Variants in MARCHF1 observed in about 807,000 individuals in gnomAD.
MARCHF1 encodes membrane associated ring-CH-type finger 1, also known as E3 ubiquitin-protein ligase MARCHF1.
MARCHF1 carries 40 observed loss-of-function variants against 54.2 expected under a neutral mutation model. The ratio of observed to expected loss-of-function variants is 0.74; its 90% confidence interval spans 0.57 to 0.96. The LOEUF (loss-of-function observed/expected upper bound fraction) is 0.96. Ranked by LOEUF, MARCHF1 falls within the 40% of genes least tolerant of loss-of-function variation. The pLI is 0.00. For missense variants in MARCHF1, 586 were observed against 656.5 expected (o/e 0.89, Z 1.17); for synonymous variants, 236 against 236.3 (o/e 1.00, Z 0.01).
rs990939514 is a variant in MARCHF1, at chr4:164,231,459, A to G, written c.-322-119797T>C. 8.5e-5 allele frequency among the ~76,000 whole-genome samples: 13 copies of G among 152,302 alleles called. No homozygotes were observed. In the South Asian group the frequency reaches 1.7e-3, roughly 19 times the overall value. ...GACATATTTCTGCAGTCTGGATCAA[A>G]ACAGAACAAATCTAGTGTGTAAATT... On this transcript the variant is annotated intron_variant, in intron 1 of 9. Coordinates refer to ENST00000514618, the MANE Select transcript of MARCHF1 (RefSeq NM_001394959.1).
chr4:163,654,445 ATATAT>A (rs1743070178), intron 5 of MARCHF1, among the ~76,000 whole-genome samples: 1 of 151,668 alleles, frequency 6.6e-6, no homozygotes, highest in Admixed American at 6.6e-5. Context: ...AAATTATAAA[ATATAT>A]TAGGTATACA....
At chr4:164,175,706 C>G (rs1022482575) in intron 1 of MARCHF1, among the ~76,000 whole-genome samples, 2 of 152,200 alleles carry the variant, frequency 1.3e-5, no homozygotes, top group Admixed American at 6.5e-5. Context: ...AATTCTGCTT[C>G]CAGTCTGTCT....
chr4:164,136,272 G>GA (rs5863663), intron 1 of MARCHF1, among the ~76,000 whole-genome samples: 97,659 of 121,360 alleles, frequency 0.8, 39,206 homozygotes, highest in Non-Finnish European at 0.86. Context: ...AGTTGAAGTG[G>GA]AAAAAAAAAA....
intron 2 of MARCHF1, among the ~76,000 whole-genome samples, chr4:164,047,964 AG>A (rs1754276733): frequency 6.6e-6 from 1 of 152,176 alleles, no homozygotes; most frequent in Non-Finnish European, 1.5e-5. Flanking sequence ...TTTTTCCCAG[AG>A]CAGCATTAGC....
At position 164,081,159 on chromosome 4, in the gene MARCHF1, G is replaced by GATAGAAAAAAAA. The variant is rs1755089112; in HGVS notation, c.-248+30428_-248+30429insTTTTTTTTCTAT. Among the ~76,000 whole-genome samples, 3 of 112,970 alleles carry GATAGAAAAAAAA rather than the reference G, an allele frequency of 2.7e-5. No homozygotes were observed. The Admixed American group carries it at 4.0e-4, about 15-fold the overall frequency. The allele number at this position is 112,970 out of a possible 152,430, so 74.1% of individuals were successfully genotyped here. ...GGAGGCGGAGCTTGCAGTGAGCCGAGATCGCGCCACTGCACTCCAGCCTGG... is the reference window on the plus strand; with the variant it reads ...GGAGGCGGAGCTTGCAGTGAGCCGAGATAGAAAAAAAAATCGCGCCACTGCACTCCAGCCTGG... On this transcript the variant is annotated intron_variant, in intron 2 of 9. Transcript: ENST00000514618.
chr4:163,850,172 T>C (rs1222788675), intron 4 of MARCHF1, among the ~76,000 whole-genome samples: 1 of 152,208 alleles, frequency 6.6e-6, no homozygotes, highest in Non-Finnish European at 1.5e-5. Flanking sequence ...CTTGCTGAAC[T>C]ATCTTTATTG....
chr4:163,776,049 C>G (rs1384109212), intron 4 of MARCHF1, among the ~76,000 whole-genome samples: 2 of 152,012 alleles, frequency 1.3e-5, no homozygotes, highest in African/African-American at 4.8e-5. Flanking sequence ...ATTTGAAATC[C>G]TATGAGGAGA....
intron 3 of MARCHF1, among the ~76,000 whole-genome samples, chr4:163,857,392 G>GT (rs1248035779): frequency 6.6e-6 from 1 of 152,108 alleles, no homozygotes; most frequent in African/African-American, 2.4e-5. Context: ...ATTTTTAGGT[G>GT]TAAGAATGTG....
At chr4:163,677,541 T>C (rs1743959361) in intron 5 of MARCHF1, among the ~76,000 whole-genome samples, 1 of 152,184 alleles carries the variant, frequency 6.6e-6, no homozygotes, top group Non-Finnish European at 1.5e-5. Flanking sequence ...TTAAAATATC[T>C]CTTCCCTAGA....
intron 1 of MARCHF1, among the ~76,000 whole-genome samples, chr4:164,196,493 T>G (rs1731262655): frequency 6.6e-6 from 1 of 152,166 alleles, no homozygotes; most frequent in Non-Finnish European, 1.5e-5. Flanking sequence ...AAAATAGAAT[T>G]TGCTTTAACA....
At chr4:164,185,063 G>A (rs1050396975) in intron 1 of MARCHF1, among the ~76,000 whole-genome samples, 1 of 152,074 alleles carries the variant, frequency 6.6e-6, no homozygotes, top group Non-Finnish European at 1.5e-5. Flanking sequence ...TTAAAAATGT[G>A]CATTAACAAT....
chr4:164,262,107 G>GAAAAAA (rs1184867700), intron 1 of MARCHF1, among the ~76,000 whole-genome samples: 1 of 72,268 alleles, frequency 1.4e-5, no homozygotes. Context: ...CCTATCTTAA[G>GAAAAAA]AAAAAAAAAA....
chr4:163,720,017 A>G (rs1168355722), intron 4 of MARCHF1, among the ~76,000 whole-genome samples: 1 of 152,102 alleles, frequency 6.6e-6, no homozygotes, highest in Non-Finnish European at 1.5e-5. Flanking sequence ...GCTGTGCAGA[A>G]GCTCTTTAGT....
chr4:164,160,919 T>C (rs2110941001), intron 1 of MARCHF1, among the ~76,000 whole-genome samples: 2 of 152,316 alleles, frequency 1.3e-5, no homozygotes, highest in East Asian at 3.9e-4. Flanking sequence ...CTCTATGCTC[T>C]TTACAAAAGA....
At chr4:164,110,268 T>C (rs1755806761) in intron 2 of MARCHF1, among the ~76,000 whole-genome samples, 1 of 151,764 alleles carries the variant, frequency 6.6e-6, no homozygotes, top group South Asian at 2.1e-4. Context: ...ATCATGTAAA[T>C]GGATAGAATT....
At chr4:164,130,603 C>A (rs976653257) in intron 1 of MARCHF1, among the ~76,000 whole-genome samples, 1 of 152,130 alleles carries the variant, frequency 6.6e-6, no homozygotes, top group African/African-American at 2.4e-5. Flanking sequence ...TTGTCCTTAA[C>A]AAAGAGTTTT....
intron 4 of MARCHF1, among the ~76,000 whole-genome samples, chr4:163,819,371 C>T (rs1268361760): frequency 6.6e-6 from 1 of 152,102 alleles, no homozygotes; most frequent in African/African-American, 2.4e-5. Context: ...AACCACAAGC[C>T]TGAATGAAAC....
At chr4:164,175,527 TC>T (rs1730641292) in intron 1 of MARCHF1, among the ~76,000 whole-genome samples, 2 of 152,248 alleles carry the variant, frequency 1.3e-5, no homozygotes, top group Admixed American at 1.3e-4. Context: ...ACTCAGTTGT[TC>T]CGTCAAATCC....
intron 1 of MARCHF1, among the ~76,000 whole-genome samples, chr4:164,137,437 T>C (rs961277235): frequency 3.9e-5 from 6 of 152,176 alleles, no homozygotes; most frequent in African/African-American, 1.2e-4. Flanking sequence ...TATGGTAACA[T>C]ATTTCATGCA....
Sources: gnomAD v4.1 joint callset for allele counts (sites outside exome capture counted in the v4.1 genomes callset) on GRCh38, gnomAD v4.1.1 for gene constraint, MANE v1.5 for transcripts, NCBI Gene and HGNC (gene_info 2026-07-23, HGNC 2026-07-21) for gene names.